Variants in IGF2BP1 observed in about 807,000 individuals in gnomAD.
IGF2BP1 encodes insulin like growth factor 2 mRNA binding protein 1, also known as insulin-like growth factor 2 mRNA-binding protein 1.
A neutral mutation model predicts 74.9 loss-of-function variants in IGF2BP1; 11 were observed. The ratio of observed to expected loss-of-function variants is 0.15; its 90% CI spans 0.09 to 0.24. The LOEUF (loss-of-function observed/expected upper bound fraction) is 0.24. Among genes scored for constraint, IGF2BP1 ranks in the 10% least tolerant of loss-of-function variants. The pLI, the probability that IGF2BP1 is intolerant of heterozygous loss-of-function variation, is 1.00. For synonymous variants in IGF2BP1, 287 were observed against 281.8 expected (o/e 1.02, Z -0.18); for missense variants, 440 against 757.4 (o/e 0.58, Z 4.92).
chr17:49,039,022 C>T (rs547950326), intron 6 of IGF2BP1, among the ~76,000 whole-genome samples: 1 of 151,654 alleles, frequency 6.6e-6, no homozygotes, highest in South Asian at 2.1e-4. Context: ...GGATTACAGG[C>T]GCGTGCCACC....
intron 4 of IGF2BP1, among the ~76,000 whole-genome samples, chr17:49,027,032 C>T (rs1002300004): frequency 1.2e-4 from 18 of 152,192 alleles, no homozygotes; most frequent in South Asian, 2.1e-4. Flanking sequence ...TGAGCCATTG[C>T]GCCCGGCCTC....
chr17:49,010,207 A>T (rs1418592888), intron 2 of IGF2BP1, among the ~76,000 whole-genome samples: 1 of 151,580 alleles, frequency 6.6e-6, no homozygotes, highest in Non-Finnish European at 1.5e-5. Context: ...TAACTTACCC[A>T]TTCCTCCTTC....
chr17:49,003,892 C>G (rs1204089106), intron 2 of IGF2BP1, among the ~76,000 whole-genome samples: 1 of 151,864 alleles, frequency 6.6e-6, no homozygotes, highest in Non-Finnish European at 1.5e-5. Flanking sequence ...GGAGAGGGGT[C>G]GGAGACGGGT....
At position 49,026,639 on chromosome 17, in the gene IGF2BP1, TCCTTCCTGCCTG is replaced by T. The variant is rs1422139174; in HGVS notation, c.337+134_337+145del. The T allele has an allele frequency of 1.0e-4, 79 of 772,522 alleles. No homozygotes were observed. In the African/African-American group the frequency reaches 1.1e-3, roughly 11 times the overall value. 47.9% of individuals were successfully genotyped at this position (772,522 alleles called of 1,614,324 possible). A position where few individuals can be genotyped will look rare whatever the true frequency, so the allele number is the denominator to read the frequency against. On this transcript the variant is annotated intron_variant, in intron 4 of 14. Coordinates refer to ENST00000290341, the MANE Select transcript of IGF2BP1 (RefSeq NM_006546.4). ...TTCCTTCCTTCCTTCCTTCCTGCCT[TCCTTCCTGCCTG>T]CCTTCCTGCCTTCCTGCCTTCCTTC...
intron 2 of IGF2BP1, among the ~76,000 whole-genome samples, chr17:49,021,994 G>T (rs191098403): frequency 3.9e-5 from 6 of 152,294 alleles, no homozygotes; most frequent in Admixed American, 2.6e-4. Context: ...AGCCCTACCC[G>T]CCTGCCTCTT....
In IGF2BP1 at chr17:49,032,009, G is replaced by C. The variant is rs541664390; in HGVS notation, c.401+36G>C. 557 of 1,521,358 alleles carry C rather than the reference G, an allele frequency of 3.7e-4. 10 individuals carry two copies. In the South Asian group the frequency reaches 5.7e-3, roughly 16 times the overall value. The allele number at this position is 1,521,358 out of a possible 1,614,324, so 94.2% of individuals were successfully genotyped here. A position where few individuals can be genotyped will look rare whatever the true frequency, so the allele number is the denominator to read the frequency against. The stretch of plus-strand genomic sequence containing the variant: ...TGGGAAGTGGGGCTGGGTGCGGTGG[G>C]GGGGGGTTCTGTGAAGGGTGGTGTG... On this transcript the variant is annotated intron_variant, in intron 5 of 14. Transcript: ENST00000290341.
chr17:49,035,283 AAC>A (rs1191810120), intron 5 of IGF2BP1, among the ~76,000 whole-genome samples: 1 of 152,222 alleles, frequency 6.6e-6, no homozygotes, highest in Non-Finnish European at 1.5e-5. Context: ...CCTTACACTG[AAC>A]ACACAAATTA....
chr17:49,039,700 T>TA (rs1266700344), intron 6 of IGF2BP1, among the ~76,000 whole-genome samples: 1 of 152,154 alleles, frequency 6.6e-6, no homozygotes, highest in African/African-American at 2.4e-5. Context: ...GTGCTGGAAT[T>TA]ACAGGCGTGA....
chr17:49,042,235 C>G lies in IGF2BP1; in HGVS notation c.942-7C>G. On this transcript the variant is annotated splice_region_variant and splice_polypyrimidine_tract_variant and intron_variant, in intron 8 of 14. Transcript: ENST00000290341. ...GTGAAAGGACACAACTCTGCTCTTTCTGCCAGGTTGCAAGACCTTACCCTT... is the reference window on the plus strand; with the variant it reads ...GTGAAAGGACACAACTCTGCTCTTTGTGCCAGGTTGCAAGACCTTACCCTT... 1 of 1,614,188 alleles carries G rather than the reference C, an allele frequency of 6.2e-7. No homozygotes were observed.
chr17:49,029,788 C>T (rs1483281283), intron 4 of IGF2BP1, among the ~76,000 whole-genome samples: 2 of 151,316 alleles, frequency 1.3e-5, no homozygotes, highest in South Asian at 2.1e-4. Context: ...CTACTGCACC[C>T]GGCTGATTTT....
chr17:48,999,102 T>C lies in IGF2BP1; in HGVS notation c.176-7T>C, dbSNP rs1426344735. The C allele has an allele frequency of 6.6e-7, 1 of 1,507,754 alleles. No homozygotes were observed. Among genetic ancestry groups the C allele is most frequent in the Admixed American group, 1.7e-5 (1 of 57,650 alleles). The allele number at this position is 1,507,754 out of a possible 1,614,324, so 93.4% of individuals were successfully genotyped here. A position where few individuals can be genotyped will look rare whatever the true frequency, so the allele number is the denominator to read the frequency against. ...TCTCATGGTAATTTTTTTTTTTTAA[T>C]CTTTAGGGAAAGTAGAATTACAAGG... On this transcript the variant is annotated splice_region_variant and splice_polypyrimidine_tract_variant and intron_variant, in intron 1 of 14. Transcript: ENST00000290341.
At chr17:49,013,578 C>G (rs1002843839) in intron 2 of IGF2BP1, 1 of 152,520 alleles carries the variant, frequency 6.6e-6, no homozygotes, top group Admixed American at 6.5e-5. Flanking sequence ...GCTTGCAGGC[C>G]TGGTGCAGGC....
At chr17:49,014,371 C>T (rs1166225783) in intron 2 of IGF2BP1, among the ~76,000 whole-genome samples, 1 of 151,162 alleles carries the variant, frequency 6.6e-6, no homozygotes, top group Non-Finnish European at 1.5e-5. Flanking sequence ...GCGCTTTCCC[C>T]TGCTCCACCG....
chr17:49,026,639 T>TCCTGCCTGCCTGCCTTCCTG (rs1339962691), intron 4 of IGF2BP1, 122 bp downstream of exon 4: 7 of 772,374 alleles, frequency 9.1e-6, no homozygotes, highest in Admixed American at 2.2e-5. Flanking sequence ...CTTCCTGCCT[T>TCCTGCCTGCCTGCCTTCCTG]CCTTCCTGCC....
chr17:49,041,637 T>C, intron 8 of IGF2BP1, 137 bp downstream of exon 8: 2 of 1,176,976 alleles, frequency 1.7e-6, no homozygotes, highest in Non-Finnish European at 2.4e-6. Context: ...ACAGTCGAAG[T>C]GGTAAAGAGC....
In IGF2BP1 at chr17:49,040,635, G is replaced by GTA. The variant is rs1309831634; in HGVS notation, c.818+546_818+547dup. Among the ~76,000 whole-genome samples, 6 of 152,368 alleles carry GTA rather than the reference G, an allele frequency of 3.9e-5. No homozygotes were observed. The South Asian group carries it at 6.2e-4, about 16-fold the overall frequency. ...TGCCTGTGTGTATTCACTTGTGCGT[G>GTA]TATGCACATGTGTTTTAGCTCAGAG... is the stretch of plus-strand genomic sequence containing the variant. On this transcript the variant is annotated intron_variant, in intron 7 of 14. Transcript: ENST00000290341.
intron 4 of IGF2BP1, among the ~76,000 whole-genome samples, chr17:49,029,423 G>T (rs2041895618): frequency 1.3e-5 from 2 of 152,166 alleles, no homozygotes. Flanking sequence ...AAAGGCTGCA[G>T]TGAACTCTGA....
chr17:49,047,714 C>CT lies in IGF2BP1; in HGVS notation c.1641+1358dup, dbSNP rs34788963. Among the ~76,000 whole-genome samples, 859 of 137,810 alleles carry CT rather than the reference C, an allele frequency of 6.2e-3. 8 individuals are homozygous for CT. Among genetic ancestry groups the CT allele is most frequent in the East Asian group, 0.011 (55 of 4,818 alleles). 90.4% of individuals were successfully genotyped at this position (137,810 alleles called of 152,430 possible). A position where few individuals can be genotyped will look rare whatever the true frequency, so the allele number is the denominator to read the frequency against. On this transcript the variant is annotated intron_variant, in intron 14 of 14. Coordinates refer to ENST00000290341, the MANE Select transcript of IGF2BP1 (RefSeq NM_006546.4). Reference sequence around the variant, plus strand: ...TTTTCCCAACCTAGATCAACTTCCTCTTTTTTTTTTTTTTTTTGTGACAGG... The same window carrying CT: ...TTTTCCCAACCTAGATCAACTTCCTCTTTTTTTTTTTTTTTTTTGTGACAGG...
chr17:49,010,517 T>C (rs1005126659), intron 2 of IGF2BP1, among the ~76,000 whole-genome samples: 6 of 151,834 alleles, frequency 4.0e-5, no homozygotes, highest in Non-Finnish European at 1.5e-5. Flanking sequence ...GGGGTTTCAC[T>C]GTGTCAGCCA....
Sources: allele counts gnomAD v4.1 joint callset (sites outside exome capture counted in the v4.1 genomes callset), GRCh38; gene constraint gnomAD v4.1.1; transcripts MANE v1.5; gene names NCBI Gene and HGNC (gene_info 2026-07-23, HGNC 2026-07-21).